Variants in P2RY6 observed in about 807,000 individuals in gnomAD.
The protein encoded by P2RY6 is pyrimidinergic receptor P2Y6.
A neutral mutation model predicts 16.3 loss-of-function variants in P2RY6; 19 were observed. The observed-to-expected ratio is 1.16, with a 90% CI of 0.81 to 1.71. The LOEUF (loss-of-function observed/expected upper bound fraction) is 1.71, where lower values mean the gene tolerates loss of function less well. Ranked by LOEUF, P2RY6 falls within the 40% of genes most tolerant of loss-of-function variation. The pLI, the probability that P2RY6 is intolerant of heterozygous loss-of-function variation, is 0.00. For missense variants in P2RY6, 389 were observed against 455.5 expected (o/e 0.85, Z 1.33); for synonymous variants, 184 against 201.5 (o/e 0.91, Z 0.74).
intron 1 of P2RY6, among the ~76,000 whole-genome samples, chr11:73,286,135 C>A (rs1052950629): frequency 2.6e-5 from 4 of 152,196 alleles, no homozygotes; most frequent in Non-Finnish European, 5.9e-5. Flanking sequence ...GATGGGGAGA[C>A]CTCTGGGTCA....
At chr11:73,289,748 G>C (rs1344916748) in intron 1 of P2RY6, among the ~76,000 whole-genome samples, 1 of 152,252 alleles carries the variant, frequency 6.6e-6, no homozygotes, top group Non-Finnish European at 1.5e-5. Context: ...GAACAATGGA[G>C]AAGGGGGCCT....
chr11:73,276,250 T>G (rs1422500319), intron 1 of P2RY6, among the ~76,000 whole-genome samples: 1 of 152,184 alleles, frequency 6.6e-6, no homozygotes, highest in Non-Finnish European at 1.5e-5. Flanking sequence ...GTGAAGAAAT[T>G]GGAAATCTCA....
chr11:73,295,687 A>C (rs1429686859), intron 1 of P2RY6, 43 bp from the exon 2 acceptor site: 3 of 795,108 alleles, frequency 3.8e-6, no homozygotes, highest in African/African-American at 1.9e-5. Context: ...AGTGGAAAGA[A>C]GCCTTGGGGA....
chr11:73,278,567 T>G (rs1028144425), intron 1 of P2RY6, among the ~76,000 whole-genome samples: 4 of 152,204 alleles, frequency 2.6e-5, no homozygotes, highest in African/African-American at 9.6e-5. Flanking sequence ...CTCTACTTTC[T>G]GTCTCAATGA....
chr11:73,267,216 A>C (rs934685374), intron 1 of P2RY6, among the ~76,000 whole-genome samples: 2 of 152,198 alleles, frequency 1.3e-5, no homozygotes, highest in African/African-American at 4.8e-5. Context: ...ACTCCCAAGG[A>C]AGAGGTTACT....
chr11:73,268,940 C>T (rs1209485477), upstream of P2RY6, among the ~76,000 whole-genome samples: 1 of 152,214 alleles, frequency 6.6e-6, no homozygotes, highest in Non-Finnish European at 1.5e-5. Flanking sequence ...TGGATCGGAA[C>T]AGCTCCATTC....
intron 1 of P2RY6, among the ~76,000 whole-genome samples, chr11:73,294,215 G>A (rs1864385720): frequency 6.6e-6 from 1 of 152,076 alleles, no homozygotes; most frequent in Admixed American, 6.5e-5. Context: ...AACCACCCAG[G>A]CCTTGCTCTG....
chr11:73,267,935 A>G (rs559727030), upstream of P2RY6, among the ~76,000 whole-genome samples: 2 of 152,382 alleles, frequency 1.3e-5, no homozygotes, highest in Admixed American at 1.3e-4. Flanking sequence ...TTCCTCTCCC[A>G]TCTCTTTCCT....
At chr11:73,290,102 A>C (rs974999621) in intron 1 of P2RY6, among the ~76,000 whole-genome samples, 32 of 152,056 alleles carry the variant, frequency 2.1e-4, no homozygotes, top group African/African-American at 7.7e-4. Flanking sequence ...ATGCCTGTAC[A>C]TCCCAGTTAC....
At chr11:73,265,559 T>G (rs1288348100) in intron 1 of P2RY6, 2 of 119,970 alleles carry the variant, frequency 1.7e-5, no homozygotes, top group African/African-American at 3.2e-5. Flanking sequence ...GCGGTGATGT[T>G]GGGTATGTGG....
chr11:73,297,564 C>G lies in P2RY6; in HGVS notation c.*59C>G. On this transcript the variant is annotated 3_prime_UTR_variant, in exon 3 of 3. Coordinates refer to ENST00000540124, the MANE Select transcript of P2RY6 (RefSeq NM_001277204.2). ...CATTGTGTCCGGGGCACCAGGAGCC[C>G]CACCAACCCCAAACCATGCGGAGAA... The G allele has an allele frequency of 7.5e-7, 1 of 1,329,328 alleles. No individual in the cohort carries two copies. The highest frequency in any genetic ancestry group is 1.1e-6 in the Non-Finnish European group (1 of 945,484). 82.3% of individuals were successfully genotyped at this position (1,329,328 alleles called of 1,614,324 possible). A position where few individuals can be genotyped will look rare whatever the true frequency, so the allele number is the denominator to read the frequency against.
At chr11:73,284,556 A>G (rs1011021508) in intron 1 of P2RY6, among the ~76,000 whole-genome samples, 1 of 152,208 alleles carries the variant, frequency 6.6e-6, no homozygotes, top group African/African-American at 2.4e-5. Context: ...ACACACGGCC[A>G]GGCAGAAGCA....
intron 1 of P2RY6, among the ~76,000 whole-genome samples, chr11:73,266,559 G>A (rs1231773256): frequency 3.3e-5 from 5 of 152,082 alleles, no homozygotes; most frequent in Non-Finnish European, 5.9e-5. Flanking sequence ...TGGACCAGGA[G>A]GCTCCCCGCA....
Position 73,297,051 on chromosome 11 carries a change from A to G in P2RY6, c.533A>G (p.Tyr178Cys), listed in dbSNP as rs2067311309. The G allele has an allele frequency of 2.5e-6, 4 of 1,600,982 alleles. No homozygotes were observed. The highest frequency in any genetic ancestry group is 2.2e-5 in the East Asian group (1 of 44,892). ...TGIQRNRTVC[Y>C]DLSPPALATH... is the part of the protein sequence containing the mutation. ...ATCCAGCGTAACCGCACTGTCTGCT[A>G]TGACCTCAGCCCGCCTGCCCTGGCC... The change falls in exon 3 of 3, where the codon TAT becomes TGT. Residue 178 changes from tyrosine to cysteine, a missense_variant. Transcript: ENST00000540124.
In P2RY6 at chr11:73,295,760, C is replaced by T. The variant is rs1277395390; in HGVS notation, c.-90C>T. ...AAGACCTCTGCCAGAAGAACCATGG[C>T]TTTGGAAGGCGGAGTTCAGGCTGAG... On this transcript the variant is annotated 5_prime_UTR_variant, in exon 2 of 3. Coordinates refer to ENST00000540124, the MANE Select transcript of P2RY6 (RefSeq NM_001277204.2). The T allele has an allele frequency of 2.0e-6, 2 of 985,206 alleles. No individual in the cohort carries two copies. The highest frequency in any genetic ancestry group is 1.7e-5 in the African/African-American group (1 of 57,234). 61.0% of individuals were successfully genotyped at this position (985,206 alleles called of 1,614,324 possible). A position where few individuals can be genotyped will look rare whatever the true frequency, so the allele number is the denominator to read the frequency against.
chr11:73,291,217 G>T (rs531736715), intron 1 of P2RY6, among the ~76,000 whole-genome samples: 1 of 152,336 alleles, frequency 6.6e-6, no homozygotes, highest in South Asian at 2.1e-4. Context: ...GGTGGATAAG[G>T]CATGATAGGG....
At chr11:73,281,854 T>G (rs1299531888) in intron 1 of P2RY6, among the ~76,000 whole-genome samples, 1 of 152,224 alleles carries the variant, frequency 6.6e-6, no homozygotes, top group East Asian at 1.9e-4. Flanking sequence ...CTCCCCAGTC[T>G]GTCTGATGGA....
chr11:73,297,704 G>A lies in P2RY6; in HGVS notation c.*199G>A. The A allele has an allele frequency of 1.6e-6, 1 of 606,666 alleles. No individual in the cohort carries two copies. Among genetic ancestry groups the A allele is most frequent in the South Asian group, 2.1e-5 (1 of 47,638 alleles). The allele number at this position is 606,666 out of a possible 1,614,324, so 37.6% of individuals were successfully genotyped here. On this transcript the variant is annotated 3_prime_UTR_variant, in exon 3 of 3. Coordinates refer to ENST00000540124, the MANE Select transcript of P2RY6 (RefSeq NM_001277204.2). ...CCCAGACCCTGTGGGCATGGAGATGGACAGACCTGGGCCTGGCTCTTGAGA... is the reference window on the plus strand; with the variant it reads ...CCCAGACCCTGTGGGCATGGAGATGAACAGACCTGGGCCTGGCTCTTGAGA...
intron 1 of P2RY6, among the ~76,000 whole-genome samples, chr11:73,294,678 T>C (rs1466383180): frequency 2.6e-5 from 4 of 152,242 alleles, no homozygotes; most frequent in Non-Finnish European, 4.4e-5. Context: ...AAAAATGGGA[T>C]AAAATAGCTC....
Sources: gnomAD v4.1 joint callset for allele counts (sites outside exome capture counted in the v4.1 genomes callset) on GRCh38, gnomAD v4.1.1 for gene constraint, MANE v1.5 for transcripts, NCBI Gene and HGNC (gene_info 2026-07-23, HGNC 2026-07-21) for gene names.